USP1: variants seen among roughly 807,000 people sequenced by gnomAD.
The protein encoded by USP1 is ubiquitin carboxyl-terminal hydrolase 1.
In USP1, 18 loss-of-function variants were observed where a neutral mutation model predicts 72.2. The ratio of observed to expected loss-of-function variants is 0.25; its 90% CI spans 0.17 to 0.37. The LOEUF (loss-of-function observed/expected upper bound fraction) is 0.37, where lower values mean the gene tolerates loss of function less well. Among genes scored for constraint, USP1 ranks in the 10% least tolerant of loss-of-function variants. The pLI, the probability that USP1 is intolerant of heterozygous loss-of-function variation, is 1.00. For synonymous variants in USP1, 354 were observed against 303.7 expected, an observed-to-expected ratio of 1.17 and a Z score of -1.72; for missense variants, 759 against 884.9, an observed-to-expected ratio of 0.86 and a Z score of 1.81.
At chr1:62,441,736 G>C in intron 3 of USP1, 128 bp downstream of exon 3, 1 of 1,085,704 alleles carries the variant, frequency 9.2e-7, no homozygotes, top group Non-Finnish European at 1.3e-6. Context: ...TAATAAACCA[G>C]AATAGGCTAA....
At position 62,437,320 on chromosome 1, in the gene USP1, G is replaced by GA. The variant is rs979712778; in HGVS notation, c.-149dup. The GA allele has an allele frequency of 5.0e-6, 2 of 396,444 alleles. No homozygotes were observed. Among genetic ancestry groups the GA allele is most frequent in the African/African-American group, 4.1e-5 (2 of 48,596 alleles). The allele number at this position is 396,444 out of a possible 1,614,324, so 24.6% of individuals were successfully genotyped here. On this transcript the variant is annotated 5_prime_UTR_variant, in exon 1 of 9. It introduces an in-frame stop codon into an upstream open reading frame of the 5' UTR. Transcript: ENST00000339950. Reference sequence around the variant, plus strand: ...GGGGACCCGGCGGGCTCGGGGCAGGGACTCACCTGTCGCACCCACACTCAT... The same window carrying GA: ...GGGGACCCGGCGGGCTCGGGGCAGGGAACTCACCTGTCGCACCCACACTCAT...
Position 62,451,083 on chromosome 1 carries a change from GATATTATTGGTCTCTC to G in USP1, c.*103_*118del. On this transcript the variant is annotated 3_prime_UTR_variant, in exon 9 of 9. Coordinates refer to ENST00000339950, the MANE Select transcript of USP1 (RefSeq NM_003368.5). Reference sequence around the variant, plus strand: ...TTTAGCTTATCTTTTGAAGCTACTGGATATTATTGGTCTCTCTAGGTTTTTATATAAATAGTGAAAT... The same window carrying G: ...TTTAGCTTATCTTTTGAAGCTACTGGTAGGTTTTTATATAAATAGTGAAAT... 8.5e-7 allele frequency: 1 copy of G among 1,176,114 alleles called. No homozygotes were observed. The highest frequency in any genetic ancestry group is 1.2e-6 in the Non-Finnish European group (1 of 861,400). The allele number at this position is 1,176,114 out of a possible 1,614,324, so 72.9% of individuals were successfully genotyped here. A position where few individuals can be genotyped will look rare whatever the true frequency, so the allele number is the denominator to read the frequency against.
intron 2 of USP1, among the ~76,000 whole-genome samples, chr1:62,440,363 TTATATA>T (rs150171344): frequency 1.5e-4 from 22 of 148,670 alleles, no homozygotes; most frequent in Non-Finnish European, 2.2e-4. Flanking sequence ...GTAAAAGGTT[TTATATA>T]TATATATATA....
In USP1 at chr1:62,440,118, G is replaced by A. The variant is rs115342286; in HGVS notation, c.170+81G>A. The A allele has an allele frequency of 1.1e-3, 1,410 of 1,277,992 alleles. 15 individuals carry two copies. In the African/African-American group the frequency reaches 0.02, roughly 18 times the overall value. The allele number at this position is 1,277,992 out of a possible 1,614,324, so 79.2% of individuals were successfully genotyped here. On this transcript the variant is annotated intron_variant, in intron 2 of 8. Transcript: ENST00000339950. Reference sequence around the variant, plus strand: ...TTGGTTGACAACTCCAGTCTGACTTGATAGTCTGTAGCGGCACAAAAAAGT... The same window carrying A: ...TTGGTTGACAACTCCAGTCTGACTTAATAGTCTGTAGCGGCACAAAAAAGT...
Position 62,442,266 on chromosome 1 carries a change from A to C in USP1, c.363A>C (p.Glu121Asp). ...TTAATATTATTTCAAGGAAGAAAGA[A>C]GCTCTAAAGGATGAAGCCAATCAAA... ...HLFNIISRKK[E>D]ALKDEANQKD... Residue 121 changes from glutamate (E) to aspartate (D), a missense_variant, in exon 4 of 9, where the codon GAA (glutamate) becomes GAC (aspartate). This residue lies in a region of USP1 where 71 missense variants were observed against 71.0 expected (regional missense o/e 1.00). Coordinates refer to ENST00000339950, the MANE Select transcript of USP1 (RefSeq NM_003368.5). 3.1e-6 allele frequency: 5 copies of C among 1,606,106 alleles called. No individual in the cohort carries two copies. Among genetic ancestry groups the C allele is most frequent in the Non-Finnish European group, 4.3e-6 (5 of 1,175,088 alleles).
At chr1:62,439,646 A>G (rs1444461427) in intron 1 of USP1, among the ~76,000 whole-genome samples, 153 bp from the exon 2 acceptor site, 1 of 152,234 alleles carries the variant, frequency 6.6e-6, no homozygotes, top group African/African-American at 2.4e-5. Context: ...TCATTTAAGC[A>G]ATAAATATTG....
In USP1 at chr1:62,450,787, A is replaced by C. The variant is rs1344646759; in HGVS notation, c.2164A>C (p.Thr722Pro). 6.2e-7 allele frequency: 1 copy of C among 1,613,850 alleles called. No individual in the cohort carries two copies. The highest frequency in any genetic ancestry group is 2.2e-5 in the East Asian group (1 of 44,876). ...SDRNKESSDQ[T>P]GINISGFENK... is the part of the protein sequence containing the mutation. ...TAGAAACAAGGAATCCAGTGACCAA[A>C]CAGGCATTAATATTAGTGGATTTGA... The change falls in exon 9 of 9, where the codon ACA becomes CCA. Residue 722 changes from threonine to proline, a missense_variant. This residue lies in a region of USP1 where 159 missense variants were observed against 140.9 expected (regional missense o/e 1.13). Transcript: ENST00000339950.
rs1225953988 is a variant in USP1 at position 62,450,922 on chromosome 1, C to T, written c.2299C>T (p.Leu767Phe). The T allele has an allele frequency of 6.2e-7, 1 of 1,612,746 alleles. No individual in the cohort carries two copies. Among genetic ancestry groups the T allele is most frequent in the African/African-American group, 1.3e-5 (1 of 74,840 alleles). ...TGAAGAGAAGGACTTTCTGAATTCTCTTTCCCCTTCTACATCTCCTACTTC... is the reference window on the plus strand; with the variant it reads ...TGAAGAGAAGGACTTTCTGAATTCTTTTTCCCCTTCTACATCTCCTACTTC... ...VTEEKDFLNS[L>F]SPSTSPTSTP... The change falls in exon 9 of 9, where the codon CTT (leucine) becomes TTT (phenylalanine). Residue 767 changes from leucine to phenylalanine, a missense_variant. By Grantham distance (22) the Leu-to-Phe change is conservative (BLOSUM62 0). Coordinates refer to ENST00000339950, the MANE Select transcript of USP1 (RefSeq NM_003368.5).
rs747968141 is a variant in USP1 at position 62,441,514 on chromosome 1, C to A, written c.197C>A (p.Ser66Tyr). 6.2e-7 allele frequency: 1 copy of A among 1,612,888 alleles called. No homozygotes were observed. The highest frequency in any genetic ancestry group is 8.5e-7 in the Non-Finnish European group (1 of 1,179,540). Reference sequence around the variant, plus strand: ...GATCAAGTTGTTCCTGCAGCACAGTCTTCACCTATAAACTGTGAGAAGAGA... The same window carrying A: ...GATCAAGTTGTTCCTGCAGCACAGTATTCACCTATAAACTGTGAGAAGAGA... ...EIDQVVPAAQ[S>Y]SPINCEKREN... is the part of the protein sequence containing the mutation. The change falls in exon 3 of 9, where the codon TCT (serine) becomes TAT (tyrosine). Residue 66 changes from serine to tyrosine, a missense_variant. Ser to Tyr is a moderately radical substitution (Grantham distance 144). Transcript: ENST00000339950.
At chr1:62,441,675 T>G in intron 3 of USP1, 67 bp downstream of exon 3, 2 of 1,513,632 alleles carry the variant, frequency 1.3e-6, no homozygotes, top group Non-Finnish European at 1.8e-6. Context: ...ATTTAATGTT[T>G]TTGAGTTATT....
At chr1:62,447,825 T>G (rs1237777876) in intron 7 of USP1, among the ~76,000 whole-genome samples, 1 of 152,128 alleles carries the variant, frequency 6.6e-6, no homozygotes. Context: ...CTTGCTCGGT[T>G]GCCCAGGCTG....
At chr1:62,440,335 C>T (rs1351160849) in intron 2 of USP1, among the ~76,000 whole-genome samples, 1 of 151,132 alleles carries the variant, frequency 6.6e-6, no homozygotes, top group Non-Finnish European at 1.5e-5. Context: ...ATTTGTAGTG[C>T]AAAACATCTG....
chr1:62,440,926 G>C (rs1002056171), intron 2 of USP1, among the ~76,000 whole-genome samples: 1 of 152,012 alleles, frequency 6.6e-6, no homozygotes, highest in Non-Finnish European at 1.5e-5. Context: ...GGCTCGAGCA[G>C]TCCTCCCAAG....
chr1:62,451,043 TTACATCAAAGA>T lies in USP1; in HGVS notation c.*63_*73del. 2 of 1,440,248 alleles carry T rather than the reference TTACATCAAAGA, an allele frequency of 1.4e-6. No homozygotes were observed. Among genetic ancestry groups the T allele is most frequent in the Non-Finnish European group, 1.8e-6 (2 of 1,084,216 alleles). 89.2% of individuals were successfully genotyped at this position (1,440,248 alleles called of 1,614,324 possible). A position where few individuals can be genotyped will look rare whatever the true frequency, so the allele number is the denominator to read the frequency against. On this transcript the variant is annotated 3_prime_UTR_variant, in exon 9 of 9. Transcript: ENST00000339950. ...CCCATACAAACATTGGTAAAGTTGA[TTACATCAAAGA>T]ATCTTTAGCTTATCTTTTGAAGCTA...
At position 62,439,897 on chromosome 1, in the gene USP1, T is replaced by A. The variant is rs891092018; in HGVS notation, c.30T>A (p.Asn10Lys). The A allele has an allele frequency of 1.3e-6, 2 of 1,526,906 alleles. No individual in the cohort carries two copies. The highest frequency in any genetic ancestry group is 1.7e-6 in the Non-Finnish European group (2 of 1,143,232). The allele number at this position is 1,526,906 out of a possible 1,614,324, so 94.6% of individuals were successfully genotyped here. ...CTGGTGTCATACCTAGTGAAAGTAATGGACTTTCAAGAGGTAGCCCTTCAA... is the reference window on the plus strand; with the variant it reads ...CTGGTGTCATACCTAGTGAAAGTAAAGGACTTTCAAGAGGTAGCCCTTCAA... MPGVIPSES[N>K]GLSRGSPSKK... Residue 10 changes from asparagine to lysine, a missense_variant, in exon 2 of 9, where the codon AAT becomes AAA. By Grantham distance (94) the Asn-to-Lys change is moderately conservative. This residue lies in a region of USP1 where 86 missense variants were observed against 82.0 expected (regional missense o/e 1.05). Coordinates refer to ENST00000339950, the MANE Select transcript of USP1 (RefSeq NM_003368.5).
intron 8 of USP1, 117 bp downstream of exon 8, chr1:62,448,783 A>G: frequency 9.3e-7 from 1 of 1,072,272 alleles, no homozygotes; most frequent in Non-Finnish European, 1.3e-6. Context: ...GATTGTAAAG[A>G]TTGCTTCAGT....
intron 1 of USP1, among the ~76,000 whole-genome samples, chr1:62,438,916 C>T (rs1645112234): frequency 6.6e-6 from 1 of 152,194 alleles, no homozygotes; most frequent in Non-Finnish European, 1.5e-5. Flanking sequence ...ATCACGGTCT[C>T]AACTTTGCTT....
intron 5 of USP1, among the ~76,000 whole-genome samples, chr1:62,444,499 CTAAG>C (rs1645156210): frequency 6.6e-6 from 1 of 151,928 alleles, no homozygotes; most frequent in African/African-American, 2.4e-5. Context: ...TAAGCATTAT[CTAAG>C]TATTAGTTAT....
chr1:62,441,720 G>T, intron 3 of USP1, 112 bp downstream of exon 3: 2 of 1,254,676 alleles, frequency 1.6e-6, no homozygotes, highest in Admixed American at 5.6e-5. Flanking sequence ...CTTTGCCTTT[G>T]ATTGTTAATA....
Sources: gnomAD v4.1 joint callset for allele counts (sites outside exome capture counted in the v4.1 genomes callset) on GRCh38, gnomAD v4.1.1 for gene constraint, gnomAD v4.1.1 regional missense constraint, MANE v1.5 for transcripts, NCBI Gene and HGNC (gene_info 2026-07-23, HGNC 2026-07-21) for gene names.